Variants in NFX1 observed in about 807,000 individuals in gnomAD.
NFX1 encodes the protein nuclear transcription factor, X-box binding 1, also known as transcriptional repressor NF-X1.
In NFX1, 69 loss-of-function variants were observed where a neutral mutation model predicts 137.2. The ratio of observed to expected loss-of-function variants is 0.50; its 90% confidence interval spans 0.41 to 0.61. The LOEUF (loss-of-function observed/expected upper bound fraction) is 0.61, where lower values mean the gene tolerates loss of function less well. Ranked by LOEUF, NFX1 falls within the 20% of genes least tolerant of loss-of-function variation. NFX1 has a pLI of 0.00. For missense variants in NFX1, 1,167 were observed against 1,391.0 expected (o/e 0.84, Z 2.56); for synonymous variants, 495 against 474.1 (o/e 1.04, Z -0.57).
intron 3 of NFX1, 150 bp from the exon 4 acceptor site, chr9:33,303,041 G>T: frequency 9.8e-6 from 4 of 406,356 alleles, no homozygotes; most frequent in Non-Finnish European, 1.4e-5. Context: ...AGTCAGTATT[G>T]TGAATTTGTT....
At chr9:33,311,217 C>T (rs1292272208) in intron 6 of NFX1, 40 bp downstream of exon 6, 3 of 1,534,712 alleles carry the variant, frequency 2.0e-6, no homozygotes, top group Non-Finnish European at 1.8e-6. Context: ...CCTCAGTTTT[C>T]ACATGCATGA....
chr9:33,330,890 G>A (rs1822781399), intron 10 of NFX1, among the ~76,000 whole-genome samples: 1 of 152,106 alleles, frequency 6.6e-6, no homozygotes, highest in Non-Finnish European at 1.5e-5. Flanking sequence ...TCAAAAAGCT[G>A]ATAATTGGCT....
chr9:33,296,726 G>T lies in NFX1; in HGVS notation c.1033+1299G>T, dbSNP rs879658819. Among the ~76,000 whole-genome samples the T allele has an allele frequency of 2.1e-4, 32 of 151,954 alleles. 1 individual carries two copies. Among genetic ancestry groups the T allele is most frequent in the Admixed American group, 5.9e-4 (9 of 15,256 alleles). ...ATAACAGAGCAAGACCCTGTTTTGC[G>T]GGGGGAAAAAAGTTACTTTAGTCAC... On this transcript the variant is annotated intron_variant, in intron 2 of 23. Coordinates refer to ENST00000379540, the MANE Select transcript of NFX1 (RefSeq NM_002504.6).
chr9:33,302,784 C>A (rs1211842483), intron 3 of NFX1, among the ~76,000 whole-genome samples: 1 of 151,964 alleles, frequency 6.6e-6, no homozygotes, highest in Non-Finnish European at 1.5e-5. Flanking sequence ...ATTCTTCTGC[C>A]TCAGCCTCCT....
intron 13 of NFX1, 80 bp from the exon 14 acceptor site, chr9:33,343,989 G>A (rs1057509803): frequency 4.5e-6 from 7 of 1,567,166 alleles, no homozygotes; most frequent in South Asian, 1.1e-5. Context: ...GCAAAAATGT[G>A]TGTGTTTGTG....
At chr9:33,325,645 CAG>C (rs1404916106) in intron 9 of NFX1, among the ~76,000 whole-genome samples, 2 of 151,924 alleles carry the variant, frequency 1.3e-5, no homozygotes, top group Non-Finnish European at 2.9e-5. Context: ...GCCTGGGCAA[CAG>C]AGAGAGACTC....
Position 33,294,466 on chromosome 9 carries a change from GA to G in NFX1, c.80del (p.Asn27IlefsTer4). On this transcript the variant is annotated frameshift_variant, in exon 2 of 24. Coordinates refer to ENST00000379540, the MANE Select transcript of NFX1 (RefSeq NM_002504.6). LOFTEE classifies it high-confidence loss of function. ...ATGCTGCTGAATTCATTCCTCAGGA[GA>G]AAAAAAATTCTGGTCTAAATTGTGG... ...TDAAEFIPQE[K>X]KNSGLNCGTQ... 1.2e-6 allele frequency: 2 copies of G among 1,603,000 alleles called. No individual in the cohort carries two copies. Among genetic ancestry groups the G allele is most frequent in the South Asian group, 2.2e-5 (2 of 89,762 alleles).
At chr9:33,330,203 T>C (rs1822752693) in intron 10 of NFX1, among the ~76,000 whole-genome samples, 1 of 152,220 alleles carries the variant, frequency 6.6e-6, no homozygotes, top group South Asian at 2.1e-4. Flanking sequence ...TACTTAGTCA[T>C]TTTAGTGTAT....
rs1587861705 is a variant in NFX1, at chr9:33,344,292, G to C, written c.2344+104G>C. ...GCTCTAGAGTCATGCTGTGATGGCT[G>C]CCCCTTGCTCCCGGCTCAGGGGCTG... On this transcript the variant is annotated intron_variant, in intron 14 of 23. Transcript: ENST00000379540. 2.0e-6 allele frequency: 3 copies of C among 1,512,458 alleles called. No individual in the cohort carries two copies. In the East Asian group the frequency reaches 7.1e-5, roughly 36 times the overall value. The allele number at this position is 1,512,458 out of a possible 1,614,324, so 93.7% of individuals were successfully genotyped here. A position where few individuals can be genotyped will look rare whatever the true frequency, so the allele number is the denominator to read the frequency against.
At chr9:33,315,308 T>C (rs1822117504) in intron 7 of NFX1, among the ~76,000 whole-genome samples, 1 of 152,192 alleles carries the variant, frequency 6.6e-6, no homozygotes, top group Admixed American at 6.5e-5. Context: ...GAGTGAATAT[T>C]GTCAGTTACC....
At chr9:33,344,231 T>C (rs1210914757) in intron 14 of NFX1, 43 bp downstream of exon 14, 3 of 1,610,652 alleles carry the variant, frequency 1.9e-6, no homozygotes, top group Non-Finnish European at 2.5e-6. Flanking sequence ...GCTCACACCA[T>C]GTCATTTAGG....
intron 9 of NFX1, among the ~76,000 whole-genome samples, chr9:33,326,413 TAAAAAAAAAAAAAA>T (rs368993458): frequency 1.1e-5 from 1 of 88,792 alleles, no homozygotes; most frequent in African/African-American, 4.5e-5. Context: ...CCTCTGTCTT[TAAAAAAAAAAAAAA>T]AAAAAAAAAA....
At chr9:33,350,029 C>G (rs1015056187) in intron 15 of NFX1, among the ~76,000 whole-genome samples, 2 of 151,964 alleles carry the variant, frequency 1.3e-5, no homozygotes, top group Non-Finnish European at 2.9e-5. Flanking sequence ...ACAGGCCAGG[C>G]GTGGTTTCTC....
intron 11 of NFX1, among the ~76,000 whole-genome samples, chr9:33,334,835 T>G (rs831267): frequency 0.65 from 99,451 of 151,984 alleles, 34,895 homozygotes; most frequent in Non-Finnish European, 0.77. Flanking sequence ...TTTTTCCCCA[T>G]TATTAATAAG....
rs1700721061 is a variant in NFX1 at position 33,351,332 on chromosome 9, C to T, written c.2425-228C>T. ...AAAATTAGCTGGGCGTGGTGGCATG[C>T]ACCTGCAATCCCAGCTACTTGGGAG... On this transcript the variant is annotated intron_variant, in intron 15 of 23. Transcript: ENST00000379540. Among the ~76,000 whole-genome samples, 3 of 151,802 alleles carry T rather than the reference C, an allele frequency of 2.0e-5. No homozygotes were observed. The South Asian group carries it at 6.2e-4, about 32-fold the overall frequency.
In NFX1 at chr9:33,370,245, G is replaced by A. The variant is rs1824288126; in HGVS notation, c.*267G>A. On this transcript the variant is annotated 3_prime_UTR_variant, in exon 24 of 24. Transcript: ENST00000379540. Reference sequence around the variant, plus strand: ...AAGAGGCTCTTTACACCATCACTGTGATTGCTCTGAGAGTTGAGGGACTAT... The same window carrying A: ...AAGAGGCTCTTTACACCATCACTGTAATTGCTCTGAGAGTTGAGGGACTAT... The A allele has an allele frequency of 6.3e-6, 2 of 319,300 alleles. No individual in the cohort carries two copies. Among genetic ancestry groups the A allele is most frequent in the Non-Finnish European group, 5.6e-6 (1 of 177,140 alleles). The allele number at this position is 319,300 out of a possible 1,614,324, so 19.8% of individuals were successfully genotyped here.
At chr9:33,291,000 G>C (rs557217830) in intron 1 of NFX1, among the ~76,000 whole-genome samples, 1 of 152,296 alleles carries the variant, frequency 6.6e-6, no homozygotes, top group East Asian at 1.9e-4. Context: ...GCGTGGGCGC[G>C]AGCCGAATTC....
chr9:33,335,797 A>G (rs1393991101), intron 11 of NFX1, among the ~76,000 whole-genome samples: 2 of 152,180 alleles, frequency 1.3e-5, no homozygotes, highest in Non-Finnish European at 2.9e-5. Context: ...GAGTCACAAT[A>G]TATATTCTTT....
Position 33,351,757 on chromosome 9 carries a change from C to T in NFX1, c.2622C>T (p.Ser874=). 1 of 1,604,038 alleles carries T rather than the reference C, an allele frequency of 6.2e-7. No homozygotes were observed. Among genetic ancestry groups the T allele is most frequent in the Non-Finnish European group, 8.5e-7 (1 of 1,175,086 alleles). The change falls in exon 16 of 24, where the codon AGC becomes AGT. Residue 874 remains serine (S), a synonymous_variant. Coordinates refer to ENST00000379540, the MANE Select transcript of NFX1 (RefSeq NM_002504.6). ...CGTGTATGGCACCCTGCCATACCAG[C>T]TCACCCTGCCCTGTGACTGCTTGTA... ...GHPCMAPCHT[S]SPCPVTACKA...
Sources: allele counts gnomAD v4.1 joint callset (sites outside exome capture counted in the v4.1 genomes callset), GRCh38; gene constraint gnomAD v4.1.1; transcripts MANE v1.5; gene names NCBI Gene and HGNC (gene_info 2026-07-23, HGNC 2026-07-21).